Variants in HORMAD2 observed in about 807,000 individuals in gnomAD.
The protein encoded by HORMAD2 is HORMA domain containing 2.
Under a neutral mutation model 38.8 loss-of-function variants are expected in HORMAD2, and 45 were observed. The observed-to-expected ratio is 1.16, with a 90% CI of 0.91 to 1.49. HORMAD2 has a LOEUF of 1.49. Ranked by LOEUF, HORMAD2 falls within the 40% of genes most tolerant of loss-of-function variation. The pLI is 0.00. For missense variants in HORMAD2, 338 were observed against 367.0 expected, an observed-to-expected ratio of 0.92 and a Z score of 0.65; for synonymous variants, 126 against 122.8, an observed-to-expected ratio of 1.03 and a Z score of -0.17.
At position 30,093,921 on chromosome 22, in the gene HORMAD2, A is replaced by C. The variant is rs1385985035; in HGVS notation, c.-32A>C. On this transcript the variant is annotated 5_prime_UTR_variant, in exon 2 of 11. Coordinates refer to ENST00000336726, the MANE Select transcript of HORMAD2 (RefSeq NM_152510.4). The stretch of plus-strand genomic sequence containing the variant: ...AATTAATTATTTTTTAATAGGTTGG[A>C]CTTGTTGAAATAATCCTGATACATT... 1.3e-6 allele frequency: 2 copies of C among 1,510,510 alleles called. No homozygotes were observed. Among genetic ancestry groups the C allele is most frequent in the African/African-American group, 2.8e-5 (2 of 72,554 alleles). The allele number at this position is 1,510,510 out of a possible 1,614,324, so 93.6% of individuals were successfully genotyped here.
chr22:30,115,122 C>G (rs770161018), intron 7 of HORMAD2, among the ~76,000 whole-genome samples: 4 of 151,950 alleles, frequency 2.6e-5, no homozygotes, highest in African/African-American at 9.7e-5. Flanking sequence ...GTGATCAATA[C>G]TCTTTATTTT....
chr22:30,091,823 C>G (rs921972664), intron 1 of HORMAD2, among the ~76,000 whole-genome samples: 2 of 151,972 alleles, frequency 1.3e-5, no homozygotes, highest in Non-Finnish European at 2.9e-5. Context: ...TAAGAATTTT[C>G]TTTTCTTTGC....
In HORMAD2 at chr22:30,119,077, A is replaced by C. The variant is rs1463552254; in HGVS notation, c.410+30A>C. ...AATCTAACTGCTTAATGAACATGAG[A>C]AATAAATAGGATTGAGGTAAACATA... is the stretch of plus-strand genomic sequence containing the variant. On this transcript the variant is annotated intron_variant, in intron 8 of 10. Transcript: ENST00000336726. The C allele has an allele frequency of 3.5e-6, 5 of 1,446,216 alleles. No individual in the cohort carries two copies. The African/African-American group carries it at 7.1e-5, about 21-fold the overall frequency. 89.6% of individuals were successfully genotyped at this position (1,446,216 alleles called of 1,614,324 possible). A position where few individuals can be genotyped will look rare whatever the true frequency, so the allele number is the denominator to read the frequency against.
chr22:30,180,850 C>G (rs1926668195), downstream of HORMAD2, among the ~76,000 whole-genome samples: 1 of 145,906 alleles, frequency 6.9e-6, no homozygotes, highest in Admixed American at 6.9e-5. Context: ...CCCTTCTCTT[C>G]CCTTCTTCCC....
intron 10 of HORMAD2, among the ~76,000 whole-genome samples, chr22:30,153,581 C>T (rs1924887630): frequency 6.6e-6 from 1 of 152,116 alleles, no homozygotes; most frequent in African/African-American, 2.4e-5. Flanking sequence ...TCCATTGGCC[C>T]AAATCATATC....
At chr22:30,104,226 G>C (rs1352172060) in intron 4 of HORMAD2, among the ~76,000 whole-genome samples, 175 bp from the exon 5 acceptor site, 2 of 151,980 alleles carry the variant, frequency 1.3e-5, no homozygotes, top group East Asian at 3.9e-4. Flanking sequence ...TACTTATAAA[G>C]GTCTATCATC....
intron 10 of HORMAD2, among the ~76,000 whole-genome samples, chr22:30,173,438 T>A (rs1025419629): frequency 6.6e-6 from 1 of 151,972 alleles, no homozygotes; most frequent in African/African-American, 2.4e-5. Context: ...ATTAAGGAGG[T>A]AGGATCAAAA....
chr22:30,091,189 A>G (rs2068674605), intron 1 of HORMAD2, among the ~76,000 whole-genome samples: 1 of 150,412 alleles, frequency 6.6e-6, no homozygotes, highest in South Asian at 2.1e-4. Flanking sequence ...ATAATATTCC[A>G]TTGTGTATAT....
At chr22:30,134,323 C>T (rs532214752) in intron 10 of HORMAD2, among the ~76,000 whole-genome samples, 49 of 148,578 alleles carry the variant, frequency 3.3e-4, no homozygotes, top group African/African-American at 1.0e-3. Context: ...CACTTGAACC[C>T]GGGAGGCGAA....
At chr22:30,162,660 G>A (rs146441836) in intron 10 of HORMAD2, among the ~76,000 whole-genome samples, 1 of 149,498 alleles carries the variant, frequency 6.7e-6, no homozygotes, top group South Asian at 2.1e-4. Context: ...AGGCAGTACT[G>A]TATATAGGTA....
chr22:30,146,484 ACT>A (rs1005174779), intron 10 of HORMAD2, among the ~76,000 whole-genome samples: 1 of 152,130 alleles, frequency 6.6e-6, no homozygotes, highest in Non-Finnish European at 1.5e-5. Flanking sequence ...ACAGAGCAAG[ACT>A]CTGTCTCAAA....
rs17648231 is a variant in HORMAD2, at chr22:30,104,245, A to G, written c.258-156A>G. Among the ~76,000 whole-genome samples, 4,974 of 152,320 alleles carry G rather than the reference A, an allele frequency of 0.033. 125 individuals carry two copies. Among genetic ancestry groups the G allele is most frequent in the Non-Finnish European group, 0.051 (3,437 of 68,020 alleles). ...TATAAAGGTCTATCATCATATTAAA[A>G]GTTGCTGGAAGTTTAAAAAAATGAT... On this transcript the variant is annotated intron_variant, in intron 4 of 10. Transcript: ENST00000336726.
At chr22:30,158,625 CCCTT>C (rs1925254156) in intron 10 of HORMAD2, among the ~76,000 whole-genome samples, 1 of 127,608 alleles carries the variant, frequency 7.8e-6, no homozygotes, top group Non-Finnish European at 1.7e-5. Flanking sequence ...CTCCCTCCCT[CCCTT>C]CCTCCCTTCC....
intron 5 of HORMAD2, among the ~76,000 whole-genome samples, chr22:30,110,926 G>C (rs528364771): frequency 2.6e-5 from 4 of 151,938 alleles, no homozygotes; most frequent in Admixed American, 6.6e-5. Flanking sequence ...GGGAGGCCGA[G>C]GTGGGTGGAT....
chr22:30,194,580 A>G, the HORMAD2 span, among the ~76,000 whole-genome samples: 1 of 152,196 alleles, frequency 6.6e-6, no homozygotes, highest in African/African-American at 2.4e-5. Flanking sequence ...GCACCCAGAG[A>G]ATGGCCACCC....
chr22:30,087,410 A>G (rs2068589305), intron 1 of HORMAD2, among the ~76,000 whole-genome samples: 1 of 152,234 alleles, frequency 6.6e-6, no homozygotes, highest in South Asian at 2.1e-4. Flanking sequence ...GGATATACAC[A>G]TAAGAATCAA....
intron 10 of HORMAD2, among the ~76,000 whole-genome samples, chr22:30,139,246 G>T (rs1923885895): frequency 1.5e-5 from 1 of 68,524 alleles, no homozygotes; most frequent in Non-Finnish European, 2.6e-5. Flanking sequence ...ATATATATAT[G>T]AACTGTACTA....
intron 10 of HORMAD2, among the ~76,000 whole-genome samples, chr22:30,170,607 A>G (rs1379074084): frequency 2.0e-5 from 3 of 152,012 alleles, no homozygotes; most frequent in Non-Finnish European, 4.4e-5. Context: ...TATATTTTCC[A>G]TGTCTTTTCA....
At chr22:30,184,042 G>C in the HORMAD2 span, among the ~76,000 whole-genome samples, 4 of 152,198 alleles carry the variant, frequency 2.6e-5, no homozygotes, top group Non-Finnish European at 4.4e-5. Context: ...CTCCCTATCT[G>C]TGGGTCCCAG....
Sources: allele counts gnomAD v4.1 joint callset (sites outside exome capture counted in the v4.1 genomes callset), GRCh38; gene constraint gnomAD v4.1.1; transcripts MANE v1.5; gene names NCBI Gene and HGNC (gene_info 2026-07-23, HGNC 2026-07-21).